The following MAGI2 variants were observed in gnomAD, a reference collection of about 807,000 sequenced individuals.
The protein encoded by MAGI2 is membrane associated guanylate kinase, WW and PDZ domain containing 2, also known as membrane-associated guanylate kinase, WW and PDZ domain-containing protein 2.
Under a neutral mutation model 133.3 loss-of-function variants are expected in MAGI2, and 35 were observed. That is an observed-to-expected ratio of 0.26 (90% CI 0.20 to 0.35). MAGI2 has a LOEUF of 0.35. MAGI2 is among the 10% of genes least tolerant of loss of function. The probability of loss-of-function intolerance (pLI) is 1.00; values close to 1 mark genes in which losing one functional copy is unlikely to be tolerated. For synonymous variants in MAGI2, 729 were observed against 710.6 expected, an observed-to-expected ratio of 1.03 and a Z score of -0.41; for missense variants, 1,636 against 1,863.4, an observed-to-expected ratio of 0.88 and a Z score of 2.25.
intron 20 of MAGI2, among the ~76,000 whole-genome samples, chr7:78,097,587 CT>C (rs1051994305): frequency 1.3e-5 from 2 of 152,148 alleles, no homozygotes; most frequent in African/African-American, 4.8e-5. Context: ...ACTGCATGTT[CT>C]CACTTATAGT....
chr7:79,013,624 G>C (rs1199961903), intron 1 of MAGI2, among the ~76,000 whole-genome samples: 1 of 152,134 alleles, frequency 6.6e-6, no homozygotes, highest in Non-Finnish European at 1.5e-5. Context: ...ACACAAAACA[G>C]GTGACAGACA....
intron 10 of MAGI2, among the ~76,000 whole-genome samples, chr7:78,222,861 A>C (rs1302080654): frequency 6.6e-6 from 1 of 152,240 alleles, no homozygotes; most frequent in African/African-American, 2.4e-5. Flanking sequence ...TCTCAAGCCA[A>C]AAGGAAAACC....
intron 9 of MAGI2, among the ~76,000 whole-genome samples, chr7:78,306,100 G>A (rs183914269): frequency 5.0e-4 from 76 of 152,288 alleles, no homozygotes; most frequent in Non-Finnish European, 8.7e-4. Context: ...ACCTGTGTTT[G>A]TTGAACTGAG....
chr7:78,060,991 C>T (rs1039497967), intron 21 of MAGI2, among the ~76,000 whole-genome samples: 2 of 151,890 alleles, frequency 1.3e-5, no homozygotes, highest in Admixed American at 6.6e-5. Context: ...CATGGTGAAA[C>T]CCTGTCTCTA....
chr7:78,979,145 T>G (rs539105718), intron 2 of MAGI2, among the ~76,000 whole-genome samples: 1 of 151,876 alleles, frequency 6.6e-6, no homozygotes, highest in East Asian at 1.9e-4. Flanking sequence ...TACAGATTGG[T>G]TTTTGCTCTG....
At chr7:78,571,649 A>G (rs1791935759) in intron 3 of MAGI2, among the ~76,000 whole-genome samples, 1 of 152,214 alleles carries the variant, frequency 6.6e-6, no homozygotes, top group Admixed American at 6.5e-5. Context: ...GGAAAATTAA[A>G]TTATCTTGAA....
At chr7:78,846,357 C>T (rs747578493) in intron 2 of MAGI2, among the ~76,000 whole-genome samples, 1 of 151,940 alleles carries the variant, frequency 6.6e-6, no homozygotes, top group Non-Finnish European at 1.5e-5. Flanking sequence ...ACACACTATT[C>T]ATGTGTTCTA....
rs10672194 is a variant in MAGI2, at chr7:79,381,145, A to ATT, written c.301+71874_301+71875insAA. On this transcript the variant is annotated intron_variant, in intron 1 of 21. Coordinates refer to ENST00000354212, the MANE Select transcript of MAGI2 (RefSeq NM_012301.4). Reference sequence around the variant, plus strand: ...TTACCATATCGGTGCTGCTCAGCTCAGATTAAACTGTAATCTTCTGGCAGT... The same window carrying ATT: ...TTACCATATCGGTGCTGCTCAGCTCATTGATTAAACTGTAATCTTCTGGCAGT... 2.0e-5 allele frequency among the ~76,000 whole-genome samples: 3 copies of ATT among 151,262 alleles called. No individual in the cohort carries two copies. In the Admixed American group the frequency reaches 2.0e-4, roughly 10 times the overall value.
chr7:78,069,606 TCTC>T (rs1028729117), intron 21 of MAGI2, among the ~76,000 whole-genome samples: 1 of 151,446 alleles, frequency 6.6e-6, no homozygotes, highest in African/African-American at 2.4e-5. Context: ...TGTTAATTTT[TCTC>T]CTCTTCTGCA....
intron 1 of MAGI2, among the ~76,000 whole-genome samples, chr7:79,281,929 T>C (rs927441804): frequency 6.6e-6 from 1 of 152,162 alleles, no homozygotes; most frequent in Non-Finnish European, 1.5e-5. Context: ...TATATAACTT[T>C]TATCATTCCT....
At chr7:79,304,209 G>GTGTC (rs1246975403) in intron 1 of MAGI2, among the ~76,000 whole-genome samples, 2 of 145,196 alleles carry the variant, frequency 1.4e-5, no homozygotes, top group Non-Finnish European at 3.1e-5. Flanking sequence ...GTGTCTGTGT[G>GTGTC]TGTGTGTGTG....
chr7:78,935,375 G>A (rs564231027), intron 2 of MAGI2, among the ~76,000 whole-genome samples: 14 of 152,202 alleles, frequency 9.2e-5, no homozygotes, highest in African/African-American at 3.4e-4. Context: ...CAGATCAAAA[G>A]GTTTAACTTT....
chr7:79,097,522 G>T (rs1378800814), intron 1 of MAGI2, among the ~76,000 whole-genome samples: 1 of 152,068 alleles, frequency 6.6e-6, no homozygotes, highest in East Asian at 1.9e-4. Context: ...GCAGAGAGTG[G>T]GGAACCCAGG....
intron 1 of MAGI2, among the ~76,000 whole-genome samples, chr7:79,055,529 A>G (rs1813074069): frequency 6.6e-6 from 1 of 152,144 alleles, no homozygotes; most frequent in South Asian, 2.1e-4. Flanking sequence ...AAGTGACAAG[A>G]GCAGCCAACT....
At chr7:78,894,420 T>C (rs1032272761) in intron 2 of MAGI2, among the ~76,000 whole-genome samples, 10 of 152,074 alleles carry the variant, frequency 6.6e-5, no homozygotes, top group African/African-American at 2.2e-4. Flanking sequence ...AAAAAAAACT[T>C]TTATTCTTAA....
At chr7:78,029,980 C>G (rs1035070141) in intron 21 of MAGI2, among the ~76,000 whole-genome samples, 1 of 152,200 alleles carries the variant, frequency 6.6e-6, no homozygotes, top group Non-Finnish European at 1.5e-5. Context: ...CCTCAGCTGA[C>G]TGTTCACAGT....
rs1820600831 is a variant in MAGI2 at position 78,122,876 on chromosome 7, C to T, written c.3567+2818G>A. 3.3e-5 allele frequency among the ~76,000 whole-genome samples: 5 copies of T among 151,900 alleles called. No individual in the cohort carries two copies. The South Asian group carries it at 1.0e-3, about 32-fold the overall frequency. On this transcript the variant is annotated intron_variant, in intron 20 of 21. Coordinates refer to ENST00000354212, the MANE Select transcript of MAGI2 (RefSeq NM_012301.4). ...GCCTGTGTTTTCTATTTAGTTTTGG[C>T]TTTTAATTAGGTTATATTCCTAGGA...
At chr7:78,756,389 CTG>C (rs1264265116) in intron 2 of MAGI2, among the ~76,000 whole-genome samples, 1 of 151,734 alleles carries the variant, frequency 6.6e-6, no homozygotes, top group South Asian at 2.1e-4. Context: ...CTGTAAATAA[CTG>C]TTTATTCTGT....
At chr7:78,632,494 C>T (rs1330229094) in intron 2 of MAGI2, among the ~76,000 whole-genome samples, 1 of 152,186 alleles carries the variant, frequency 6.6e-6, no homozygotes, top group Non-Finnish European at 1.5e-5. Context: ...TGGAAGTCAA[C>T]AGGGGATCCA....
Sources: allele counts gnomAD v4.1 joint callset (sites outside exome capture counted in the v4.1 genomes callset), GRCh38; gene constraint gnomAD v4.1.1; transcripts MANE v1.5; gene names NCBI Gene and HGNC (gene_info 2026-07-23, HGNC 2026-07-21).